The following YBEY variants were observed in gnomAD, a reference collection of about 807,000 sequenced individuals.
YBEY encodes the protein endoribonuclease YbeY.
YBEY carries 15 observed loss-of-function variants against 13.5 expected under a neutral mutation model. The observed-to-expected ratio is 1.11, with a 90% confidence interval of 0.75 to 1.72. The LOEUF is 1.72. YBEY is among the 40% of genes most tolerant of loss of function. The probability of loss-of-function intolerance (pLI) is 0.00; values close to 1 mark genes in which losing one functional copy is unlikely to be tolerated. For missense variants in YBEY, 244 were observed against 208.4 expected, an observed-to-expected ratio of 1.17 and a Z score of -1.05; for synonymous variants, 101 against 83.1, an observed-to-expected ratio of 1.21 and a Z score of -1.17.
At chr21:46,313,056 G>A in the YBEY span, 74 of 985,420 alleles carry the variant, frequency 7.5e-5, 1 homozygote, top group East Asian at 6.5e-3. Flanking sequence ...CAGAAAGGAC[G>A]GCAGAGACCA....
chr21:46,303,743 ATATTTTTTTTT>A, the YBEY span, among the ~76,000 whole-genome samples: 116 of 19,564 alleles, frequency 5.9e-3, no homozygotes, highest in African/African-American at 0.022. Context: ...ATATATATAT[ATATTTTTTTTT>A]TTTTTTTTTT....
At chr21:46,288,669 C>G (rs550942171) in intron 2 of YBEY, among the ~76,000 whole-genome samples, 1 of 144,426 alleles carries the variant, frequency 6.9e-6, no homozygotes, top group African/African-American at 2.5e-5. Flanking sequence ...CAGAGCGAGA[C>G]TCCGTCTCAA....
chr21:46,287,006 A>T lies in YBEY; in HGVS notation c.93A>T (p.Gly31=). The T allele has an allele frequency of 6.2e-7, 1 of 1,614,116 alleles. No homozygotes were observed. The highest frequency in any genetic ancestry group is 8.5e-7 in the Non-Finnish European group (1 of 1,180,022). The change falls in exon 2 of 5, where the codon GGA becomes GGT. Residue 31 remains glycine, a synonymous_variant. Coordinates refer to ENST00000397701, the MANE Select transcript of YBEY (RefSeq NM_001314025.2). ...TCGAGATTGTAAGGAGGATTTTAGG[A>T]GTGCAGAAATTTGACCTGGGGATCA... ...SKIEIVRRIL[G]VQKFDLGIIC... is the part of the protein sequence containing the mutation.
At chr21:46,286,689 G>C (rs1410412063) in intron 1 of YBEY, 181 bp from the exon 2 acceptor site, 2 of 428,662 alleles carry the variant, frequency 4.7e-6, no homozygotes, top group Non-Finnish European at 8.2e-6. Flanking sequence ...CTTCTGGCCG[G>C]ATTCCGCGGC....
chr21:46,294,888 C>T (rs1007795525), intron 3 of YBEY, among the ~76,000 whole-genome samples: 4 of 152,224 alleles, frequency 2.6e-5, no homozygotes, highest in African/African-American at 9.6e-5. Context: ...ATCTGTGTGG[C>T]TTGAGGCAGA....
At chr21:46,300,624 G>C (rs1415440207), downstream of YBEY, 1 of 1,207,842 alleles carries the variant, frequency 8.3e-7, no homozygotes, top group Non-Finnish European at 1.1e-6. Flanking sequence ...TGGGCCCTTC[G>C]GTGTTCACAC....
the YBEY span, among the ~76,000 whole-genome samples, chr21:46,312,059 C>G: frequency 6.7e-6 from 1 of 149,018 alleles, no homozygotes; most frequent in African/African-American, 2.5e-5. Flanking sequence ...AACCAACCAA[C>G]CACCCACCCA....
At chr21:46,303,743 ATATTTTTTTT>A in the YBEY span, among the ~76,000 whole-genome samples, 85 of 19,574 alleles carry the variant, frequency 4.3e-3, 2 homozygotes, top group African/African-American at 5.5e-3. Context: ...ATATATATAT[ATATTTTTTTT>A]TTTTTTTTTT....
chr21:46,311,416 A>C, the YBEY span: 2 of 1,245,820 alleles, frequency 1.6e-6, no homozygotes, highest in East Asian at 2.5e-5. Flanking sequence ...TCAGTAGATA[A>C]TTTCCTCAAC....
At chr21:46,301,737 G>A (rs2145877282), downstream of YBEY, 1 of 1,211,272 alleles carries the variant, frequency 8.3e-7, no homozygotes, top group Non-Finnish European at 1.0e-6. Context: ...GGGGTCCCTG[G>A]GAGGGGCTGT....
chr21:46,294,999 C>T (rs929095966), intron 3 of YBEY, among the ~76,000 whole-genome samples: 4 of 152,148 alleles, frequency 2.6e-5, no homozygotes, highest in African/African-American at 9.7e-5. Context: ...CCGCCATGCA[C>T]ACCCTGCTGG....
At chr21:46,295,099 G>T (rs565188669) in intron 3 of YBEY, among the ~76,000 whole-genome samples, 5 of 152,278 alleles carry the variant, frequency 3.3e-5, no homozygotes, top group South Asian at 4.1e-4. Context: ...GGGCGGGGGG[G>T]TATGTGGACA....
chr21:46,294,779 A>G (rs1383312081), intron 3 of YBEY, among the ~76,000 whole-genome samples: 1 of 152,016 alleles, frequency 6.6e-6, no homozygotes, highest in African/African-American at 2.4e-5. Context: ...AAAAAAAAGG[A>G]AAAGCATTCT....
the YBEY span, among the ~76,000 whole-genome samples, chr21:46,306,740 T>C: frequency 6.6e-6 from 1 of 151,408 alleles, no homozygotes; most frequent in Admixed American, 6.6e-5. Flanking sequence ...GGCATGCACC[T>C]AACACTTGGC....
chr21:46,298,449 G>C (rs1440804521), downstream of YBEY, among the ~76,000 whole-genome samples: 1 of 22,166 alleles, frequency 4.5e-5, no homozygotes, highest in Non-Finnish European at 1.3e-4. Context: ...TTTTTTTTGA[G>C]ACGGAGTCTC....
rs954218449 is a variant in YBEY at position 46,297,639 on chromosome 21, C to T, written c.*5C>T. The stretch of plus-strand genomic sequence containing the variant: ...GGCCTCTTCGGAGGGAGCTGAGGGC[C>T]GCGTTCCTTCTGAAAGCGGGACGCG... On this transcript the variant is annotated 3_prime_UTR_variant, in exon 5 of 5. Transcript: ENST00000397701. 5 of 1,301,094 alleles carry T rather than the reference C, an allele frequency of 3.8e-6. No homozygotes were observed. Among genetic ancestry groups the T allele is most frequent in the Non-Finnish European group, 4.9e-6 (5 of 1,012,466 alleles). 80.6% of individuals were successfully genotyped at this position (1,301,094 alleles called of 1,614,324 possible).
At chr21:46,309,490 C>A in the YBEY span, among the ~76,000 whole-genome samples, 20 of 151,636 alleles carry the variant, frequency 1.3e-4, no homozygotes, top group Non-Finnish European at 2.4e-4. Context: ...TACTCAGTTT[C>A]AGATATTCTG....
intron 2 of YBEY, 115 bp downstream of exon 2, chr21:46,287,238 C>G (rs13050025): frequency 0.42 from 433,826 of 1,027,936 alleles, 94,358 homozygotes; most frequent in Admixed American, 0.49. Context: ...CTCTGTCACC[C>G]AGGCTGGAGT....
the YBEY span, chr21:46,313,058 C>G: frequency 1.0e-6 from 1 of 985,394 alleles, no homozygotes; most frequent in African/African-American, 1.7e-5. Context: ...GAAAGGACGG[C>G]AGAGACCAAG....
Sources: gnomAD v4.1 joint callset for allele counts (sites outside exome capture counted in the v4.1 genomes callset) on GRCh38, gnomAD v4.1.1 for gene constraint, MANE v1.5 for transcripts, NCBI Gene and HGNC (gene_info 2026-07-23, HGNC 2026-07-21) for gene names.